Variants in SLC25A43 observed in about 807,000 individuals in gnomAD.
The protein encoded by SLC25A43 is solute carrier family 25 member 43, also known as solute carrier family 25, member 43.
Under a neutral mutation model 22.8 loss-of-function variants are expected in SLC25A43, and 10 were observed. The observed-to-expected ratio is 0.44, with a 90% CI of 0.27 to 0.74. The LOEUF (loss-of-function observed/expected upper bound fraction) is 0.74, where lower values mean the gene tolerates loss of function less well. Among genes scored for constraint, SLC25A43 ranks in the 30% least tolerant of loss-of-function variants. SLC25A43 has a pLI of 0.17. For missense variants in SLC25A43, 233 were observed against 279.1 expected (o/e 0.83, Z 1.18); for synonymous variants, 106 against 121.6 (o/e 0.87, Z 0.84).
intron 1 of SLC25A43, among the ~76,000 whole-genome samples, chrX:119,404,485 G>T (rs996559048): frequency 8.9e-6 from 1 of 112,073 alleles, no homozygotes; most frequent in African/African-American, 3.2e-5. Context: ...AAGGGGCAGG[G>T]GGTGTGGAGC....
At chrX:119,435,996 G>T (rs1190500626) in intron 3 of SLC25A43, among the ~76,000 whole-genome samples, 1 of 7,986 alleles carries the variant, frequency 1.3e-4, no homozygotes, top group Non-Finnish European at 2.0e-4. Context: ...GTAATGGGAT[G>T]GCTAGGTCAA....
intron 3 of SLC25A43, among the ~76,000 whole-genome samples, chrX:119,432,265 G>A (rs150423862): frequency 7.9e-4 from 89 of 112,032 alleles, no homozygotes; most frequent in African/African-American, 2.5e-3. Flanking sequence ...ATTTTTAGGT[G>A]TGATAACGGT....
At chrX:119,430,548 G>A (rs774562653) in intron 3 of SLC25A43, among the ~76,000 whole-genome samples, 46 of 111,934 alleles carry the variant, frequency 4.1e-4, no homozygotes, top group Middle Eastern at 4.2e-3. Context: ...GCAGGCTGAT[G>A]GACTCAGGTT....
Position 119,399,451 on chromosome X carries a change from G to T in SLC25A43, c.48G>T (p.Leu16=). Reference sequence around the variant, plus strand: ...GCCGACTGACAGGCGGCCAAAGGCTGCTGTGCGCTGGGCTGGCGGGGACGC... The same window carrying T: ...GCCGACTGACAGGCGGCCAAAGGCTTCTGTGCGCTGGGCTGGCGGGGACGC... ...RDGRLTGGQR[L]LCAGLAGTLS... The change falls in exon 1 of 5, where the codon CTG becomes CTT. Residue 16 remains leucine (L), a synonymous_variant. Transcript: ENST00000217909. 9.6e-7 allele frequency: 1 copy of T among 1,041,385 alleles called. No homozygotes were observed. Among genetic ancestry groups the T allele is most frequent in the Non-Finnish European group, 1.2e-6 (1 of 814,130 alleles). The allele number at this position is 1,041,385 out of a possible 1,213,427, so 85.8% of individuals were successfully genotyped here. A position where few individuals can be genotyped will look rare whatever the true frequency, so the allele number is the denominator to read the frequency against.
chrX:119,429,526 T>C, intron 3 of SLC25A43, among the ~76,000 whole-genome samples: 1 of 63,379 alleles, frequency 1.6e-5, no homozygotes, highest in South Asian at 1.2e-3. Context: ...GTTATTTCTT[T>C]CCTTCAATAT....
chrX:119,442,434 G>A (rs2052629859), intron 3 of SLC25A43, among the ~76,000 whole-genome samples: 2 of 112,255 alleles, frequency 1.8e-5, no homozygotes, highest in African/African-American at 6.5e-5. Flanking sequence ...TGATAAATCA[G>A]TCATCTTATT....
At chrX:119,445,600 A>G (rs1355122684) in intron 3 of SLC25A43, among the ~76,000 whole-genome samples, 1 of 111,831 alleles carries the variant, frequency 8.9e-6, no homozygotes, top group African/African-American at 3.2e-5. Context: ...ATCCTGGAGT[A>G]CAGATTGCAG....
chrX:119,425,971 G>A (rs1359903444), intron 3 of SLC25A43, among the ~76,000 whole-genome samples: 1 of 111,313 alleles, frequency 9.0e-6, no homozygotes, highest in Non-Finnish European at 1.9e-5. Context: ...ACCCTGTGCT[G>A]AGCAGGCTTC....
At chrX:119,452,248 T>A (rs2147303662) in intron 4 of SLC25A43, 105 bp downstream of exon 4, 1 of 923,355 alleles carries the variant, frequency 1.1e-6, no homozygotes, top group African/African-American at 2.0e-5. Flanking sequence ...AAACCCCCTC[T>A]AGCACTAATG....
In SLC25A43 at chrX:119,399,546, A is replaced by G; in HGVS notation, c.143A>G (p.His48Arg). 7.5e-6 allele frequency: 8 copies of G among 1,063,874 alleles called. No individual in the cohort carries two copies. Among genetic ancestry groups the G allele is most frequent in the Non-Finnish European group, 9.7e-6 (8 of 825,640 alleles). The allele number at this position is 1,063,874 out of a possible 1,213,427, so 87.7% of individuals were successfully genotyped here. ...GCCCAGGTTGGCGTCGTGCGAGGCCACGCCCGGGGACCGTGGGCCACAGGG... is the reference window on the plus strand; with the variant it reads ...GCCCAGGTTGGCGTCGTGCGAGGCCGCGCCCGGGGACCGTGGGCCACAGGG... ...VLAQVGVVRG[H>R]ARGPWATGHR... Residue 48 changes from histidine (H) to arginine (R), a missense_variant, in exon 1 of 5, where the codon CAC becomes CGC. Coordinates refer to ENST00000217909, the MANE Select transcript of SLC25A43 (RefSeq NM_145305.3).
At chrX:119,407,405 G>A (rs767153648) in intron 2 of SLC25A43, among the ~76,000 whole-genome samples, 1 of 111,639 alleles carries the variant, frequency 9.0e-6, no homozygotes, top group South Asian at 3.7e-4. Flanking sequence ...TTAAGCAAGC[G>A]TCAGTGTATT....
intron 3 of SLC25A43, among the ~76,000 whole-genome samples, chrX:119,417,580 C>A (rs1027157321): frequency 9.0e-6 from 1 of 111,091 alleles, no homozygotes; most frequent in African/African-American, 3.3e-5. Flanking sequence ...ATCCAGCCAA[C>A]ACCGCATTCT....
At chrX:119,402,471 T>C (rs1361613058) in intron 1 of SLC25A43, among the ~76,000 whole-genome samples, 5 of 112,095 alleles carry the variant, frequency 4.5e-5, no homozygotes, top group Non-Finnish European at 7.5e-5. Context: ...GTCTATCTTA[T>C]CTAATAAACG....
chrX:119,452,472 A>T (rs1190947974), intron 4 of SLC25A43, among the ~76,000 whole-genome samples: 1 of 102,123 alleles, frequency 9.8e-6, no homozygotes, highest in African/African-American at 3.7e-5. Context: ...TGTGCATCAT[A>T]TTCCCAAAGA....
intron 3 of SLC25A43, among the ~76,000 whole-genome samples, chrX:119,443,802 G>A (rs369873197): frequency 2.8e-5 from 3 of 108,640 alleles, no homozygotes; most frequent in East Asian, 2.9e-4. Flanking sequence ...CTGGATTGCC[G>A]TGGTGCAATC....
At chrX:119,415,418 G>A (rs139683606) in intron 3 of SLC25A43, among the ~76,000 whole-genome samples, 8,060 of 110,257 alleles carry the variant, frequency 0.073, 223 homozygotes, top group South Asian at 0.092. Flanking sequence ...GGTGTGGCAG[G>A]GTGCAGTGGC....
rs1394498960 is a variant in SLC25A43, at chrX:119,452,775, A to C, written c.826-90A>C. The stretch of plus-strand genomic sequence containing the variant: ...GCCACCGCCATTATCTCACTTTACA[A>C]GATAATTTACCCTGATCCAAGTTGA... On this transcript the variant is annotated intron_variant, in intron 4 of 4. Coordinates refer to ENST00000217909, the MANE Select transcript of SLC25A43 (RefSeq NM_145305.3). The C allele has an allele frequency of 8.4e-6, 6 of 712,162 alleles. No homozygotes were observed. The African/African-American group carries it at 1.1e-4, about 13-fold the overall frequency. 58.7% of individuals were successfully genotyped at this position (712,162 alleles called of 1,213,427 possible).
rs1463920367 is a variant in SLC25A43 at position 119,414,709 on chromosome X, T to TA, written c.690+4348dup. Reference sequence around the variant, plus strand: ...TCCCATGATCCTATGACTATTCACTTATATGTTATTTAAATACTTTTTTAG... The same window carrying TA: ...TCCCATGATCCTATGACTATTCACTTAATATGTTATTTAAATACTTTTTTAG... On this transcript the variant is annotated intron_variant, in intron 3 of 4. Coordinates refer to ENST00000217909, the MANE Select transcript of SLC25A43 (RefSeq NM_145305.3). Among the ~76,000 whole-genome samples, 7 of 110,910 alleles carry TA rather than the reference T, an allele frequency of 6.3e-5. No homozygotes were observed. The South Asian group carries it at 2.6e-3, about 42-fold the overall frequency.
chrX:119,451,468 G>A (rs886736292), intron 3 of SLC25A43, among the ~76,000 whole-genome samples: 2 of 111,753 alleles, frequency 1.8e-5, no homozygotes, highest in Non-Finnish European at 3.8e-5. Flanking sequence ...AGGCCAAGGA[G>A]TATGGTTCAG....
Sources: gnomAD v4.1 joint callset for allele counts (sites outside exome capture counted in the v4.1 genomes callset) on GRCh38, gnomAD v4.1.1 for gene constraint, MANE v1.5 for transcripts, NCBI Gene and HGNC (gene_info 2026-07-23, HGNC 2026-07-21) for gene names.